Variants in CNTNAP5 observed in about 807,000 individuals in gnomAD.
The protein encoded by CNTNAP5 is contactin associated protein family member 5, also known as contactin-associated protein-like 5.
A neutral mutation model predicts 150.2 loss-of-function variants in CNTNAP5; 72 were observed. The ratio of observed to expected loss-of-function variants is 0.48; its 90% CI spans 0.40 to 0.58. CNTNAP5 has a LOEUF of 0.58. CNTNAP5 is among the 20% of genes least tolerant of loss of function. The probability of loss-of-function intolerance (pLI) is 0.00; values close to 1 mark genes in which losing one functional copy is unlikely to be tolerated. For missense variants in CNTNAP5, 1,636 were observed against 1,626.2 expected (o/e 1.01, Z -0.10); for synonymous variants, 672 against 619.8 (o/e 1.08, Z -1.25).
Position 124,025,667 on chromosome 2 carries a change from G to A in CNTNAP5, c.17G>A (p.Arg6Gln). 1 of 1,613,818 alleles carries A rather than the reference G, an allele frequency of 6.2e-7. No individual in the cohort carries two copies. Among genetic ancestry groups the A allele is most frequent in the Non-Finnish European group, 8.5e-7 (1 of 1,179,850 alleles). MDSLP[R>Q]LTSVLTLLFS... Reference sequence around the variant, plus strand: ...TCGGGGGAAATGGATTCTTTACCACGGCTGACCAGCGTTTTGACTTTGCTG... The same window carrying A: ...TCGGGGGAAATGGATTCTTTACCACAGCTGACCAGCGTTTTGACTTTGCTG... Residue 6 changes from arginine to glutamine, a missense_variant, in exon 1 of 24, where the codon CGG becomes CAG. Physicochemically the swap from Arg to Gln is conservative, Grantham distance 43. Coordinates refer to ENST00000682447, the MANE Select transcript of CNTNAP5 (RefSeq NM_001367498.1).
chr2:124,540,629 G>A (rs750134136), intron 10 of CNTNAP5, among the ~76,000 whole-genome samples: 1 of 152,058 alleles, frequency 6.6e-6, no homozygotes, highest in Non-Finnish European at 1.5e-5. Context: ...GATTTTCCCT[G>A]CTCTGATCTT....
intron 1 of CNTNAP5, among the ~76,000 whole-genome samples, chr2:124,129,847 G>T (rs576206997): frequency 6.6e-6 from 1 of 152,226 alleles, no homozygotes; most frequent in East Asian, 1.9e-4. Flanking sequence ...TGGAGGGAAG[G>T]GTGCCTTCAG....
At chr2:124,180,044 T>C (rs1173066049) in intron 1 of CNTNAP5, among the ~76,000 whole-genome samples, 2 of 152,200 alleles carry the variant, frequency 1.3e-5, no homozygotes, top group African/African-American at 4.8e-5. Flanking sequence ...AAAGATGTGA[T>C]TTAAGACACA....
At chr2:124,485,395 C>T (rs1274136888) in intron 7 of CNTNAP5, among the ~76,000 whole-genome samples, 3 of 151,988 alleles carry the variant, frequency 2.0e-5, no homozygotes, top group Non-Finnish European at 1.5e-5. Flanking sequence ...GGGTGGATCA[C>T]GAGGTCAGGA....
chr2:124,524,372 C>G lies in CNTNAP5; in HGVS notation c.1397C>G (p.Thr466Ser), dbSNP rs2104886911. ...INARRNRITLTLDDEAAPPAP... is the reference protein window; with the variant it reads ...INARRNRITLSLDDEAAPPAP... ...GCCAGGAGGAACCGCATCACGCTCA[C>G]TCTGGATGATGAAGCAGCACCCCCG... The change falls in exon 9 of 24, where the codon ACT (threonine) becomes AGT (serine). Residue 466 changes from threonine to serine, a missense_variant. Physicochemically the swap from Thr to Ser is moderately conservative, Grantham distance 58. Transcript: ENST00000682447. 6.2e-7 allele frequency: 1 copy of G among 1,613,824 alleles called. No individual in the cohort carries two copies. Among genetic ancestry groups the G allele is most frequent in the East Asian group, 2.2e-5 (1 of 44,834 alleles).
intron 3 of CNTNAP5, among the ~76,000 whole-genome samples, chr2:124,309,417 C>T (rs1033636710): frequency 3.9e-5 from 6 of 152,142 alleles, no homozygotes; most frequent in Non-Finnish European, 7.3e-5. Flanking sequence ...ATAGAGGAGG[C>T]ATGTCAGGAG....
intron 22 of CNTNAP5, among the ~76,000 whole-genome samples, chr2:124,910,240 G>A (rs1471078176): frequency 6.6e-6 from 1 of 151,926 alleles, no homozygotes; most frequent in Non-Finnish European, 1.5e-5. Context: ...TGCGTGTCTT[G>A]GTTTTTTCAT....
At chr2:124,334,364 T>C (rs979040209) in intron 3 of CNTNAP5, among the ~76,000 whole-genome samples, 1 of 152,072 alleles carries the variant, frequency 6.6e-6, no homozygotes, top group Non-Finnish European at 1.5e-5. Flanking sequence ...GAACAAATCA[T>C]AGAAGAGTCA....
At chr2:124,651,033 C>T (rs727179) in intron 13 of CNTNAP5, among the ~76,000 whole-genome samples, 83,827 of 152,096 alleles carry the variant, frequency 0.55, 23,694 homozygotes, top group Non-Finnish European at 0.62. Context: ...TGTACCAATT[C>T]ATACTCCCAA....
intron 13 of CNTNAP5, among the ~76,000 whole-genome samples, chr2:124,718,439 C>T (rs977934792): frequency 1.3e-4 from 20 of 152,116 alleles, no homozygotes; most frequent in Admixed American, 4.6e-4. Context: ...TATTTCTCTT[C>T]TGTGGCATTT....
intron 13 of CNTNAP5, among the ~76,000 whole-genome samples, chr2:124,744,091 G>T (rs1680556454): frequency 6.6e-6 from 1 of 152,102 alleles, no homozygotes; most frequent in Admixed American, 6.5e-5. Flanking sequence ...GATAGGGTTT[G>T]GCTGTGTCCC....
At chr2:124,356,386 C>A (rs1436862846) in intron 3 of CNTNAP5, among the ~76,000 whole-genome samples, 2 of 150,558 alleles carry the variant, frequency 1.3e-5, no homozygotes, top group South Asian at 4.2e-4. Flanking sequence ...ATACATGTGC[C>A]ATGCTGGTGC....
chr2:124,640,395 G>A (rs1439638402), intron 12 of CNTNAP5, among the ~76,000 whole-genome samples: 4 of 152,198 alleles, frequency 2.6e-5, no homozygotes, highest in Non-Finnish European at 4.4e-5. Context: ...AGTAATGGAC[G>A]GAGCCCGCCA....
intron 11 of CNTNAP5, among the ~76,000 whole-genome samples, chr2:124,605,749 T>C (rs1307050214): frequency 1.5e-5 from 2 of 135,952 alleles, no homozygotes; most frequent in East Asian, 2.1e-4. Flanking sequence ...CTGGCGGAGG[T>C]TGCAGTGAGG....
chr2:124,331,603 T>G (rs759539338), intron 3 of CNTNAP5, among the ~76,000 whole-genome samples: 27 of 151,964 alleles, frequency 1.8e-4, no homozygotes, highest in Non-Finnish European at 3.7e-4. Flanking sequence ...AATAAAGGTT[T>G]AAAACACTTC....
intron 7 of CNTNAP5, among the ~76,000 whole-genome samples, chr2:124,500,677 A>G (rs956135225): frequency 1.3e-5 from 2 of 152,158 alleles, no homozygotes; most frequent in African/African-American, 4.8e-5. Context: ...TAGATCAAGG[A>G]AAGAGTCTTT....
chr2:124,321,588 C>T (rs941943204), intron 3 of CNTNAP5, among the ~76,000 whole-genome samples: 1 of 151,986 alleles, frequency 6.6e-6, no homozygotes, highest in African/African-American at 2.4e-5. Flanking sequence ...AAAGGAGTAC[C>T]TGCTCATTAG....
intron 21 of CNTNAP5, among the ~76,000 whole-genome samples, chr2:124,881,057 A>C (rs1363651323): frequency 6.6e-6 from 1 of 152,128 alleles, no homozygotes; most frequent in African/African-American, 2.4e-5. Flanking sequence ...AGAGGGAGAC[A>C]AGGGAAACAA....
intron 10 of CNTNAP5, among the ~76,000 whole-genome samples, chr2:124,546,152 G>T (rs1307871825): frequency 6.6e-6 from 1 of 152,124 alleles, no homozygotes; most frequent in Non-Finnish European, 1.5e-5. Context: ...CAGTCCTTTA[G>T]AAGTACTGTG....
Sources: allele counts gnomAD v4.1 joint callset (sites outside exome capture counted in the v4.1 genomes callset), GRCh38; gene constraint gnomAD v4.1.1; transcripts MANE v1.5; gene names NCBI Gene and HGNC (gene_info 2026-07-23, HGNC 2026-07-21).